The following CTBP2 variants were observed in gnomAD, a reference collection of about 807,000 sequenced individuals.
CTBP2 encodes the protein C-terminal binding protein 2, also known as C-terminal-binding protein 2.
CTBP2 carries 30 observed loss-of-function variants against 80.3 expected under a neutral mutation model. The observed-to-expected ratio is 0.37, with a 90% CI of 0.28 to 0.51. The LOEUF (loss-of-function observed/expected upper bound fraction) is 0.51. CTBP2 is among the 20% of genes least tolerant of loss of function. The probability of loss-of-function intolerance (pLI) is 0.93; values close to 1 mark genes in which losing one functional copy is unlikely to be tolerated. For missense variants in CTBP2, 1,212 were observed against 1,375.3 expected, an observed-to-expected ratio of 0.88 and a Z score of 1.88; for synonymous variants, 594 against 587.4, an observed-to-expected ratio of 1.01 and a Z score of -0.16.
rs139812905 is a variant in CTBP2 at position 125,094,985 on chromosome 10, G to A, written c.-102+16005C>T. Reference sequence around the variant, plus strand: ...TGGGCTCCAGCCTCTGAAGAAGCGCGGAGGAAGCAAGTGTGGCAGGGCTGG... The same window carrying A: ...TGGGCTCCAGCCTCTGAAGAAGCGCAGAGGAAGCAAGTGTGGCAGGGCTGG... On this transcript the variant is annotated intron_variant, in intron 2 of 10. Transcript: ENST00000337195. Among the ~76,000 whole-genome samples the A allele has an allele frequency of 9.2e-3, 1,405 of 152,218 alleles. 9 individuals are homozygous for A. Among genetic ancestry groups the A allele is most frequent in the Non-Finnish European group, 0.015 (1,011 of 68,004 alleles).
chr10:125,105,700 G>A (rs1311200814), intron 2 of CTBP2, among the ~76,000 whole-genome samples: 1 of 152,080 alleles, frequency 6.6e-6, no homozygotes, highest in African/African-American at 2.4e-5. Context: ...CAAGTTATTG[G>A]TCTAATGCAT....
chr10:124,999,485 G>A (rs969940005), intron 3 of CTBP2: 2 of 152,278 alleles, frequency 1.3e-5, no homozygotes, highest in African/African-American at 2.4e-5. Flanking sequence ...AGATGGCTGC[G>A]TGGCTGTCTC....
At chr10:125,004,777 C>T (rs1955010308) in intron 1 of CTBP2, among the ~76,000 whole-genome samples, 1 of 152,182 alleles carries the variant, frequency 6.6e-6, no homozygotes, top group Non-Finnish European at 1.5e-5. Context: ...CCTGGTGACC[C>T]ACCATGGGTA....
chr10:125,096,491 G>A (rs1057097924), intron 2 of CTBP2, among the ~76,000 whole-genome samples: 3 of 152,052 alleles, frequency 2.0e-5, no homozygotes, highest in Non-Finnish European at 4.4e-5. Context: ...ATCGCTACTC[G>A]ACTAAACAGA....
intron 2 of CTBP2, among the ~76,000 whole-genome samples, chr10:125,090,507 A>G (rs1283911332): frequency 6.6e-6 from 1 of 151,446 alleles, no homozygotes; most frequent in Non-Finnish European, 1.5e-5. Context: ...TCACACCTGT[A>G]ATCCCAGCAC....
intron 2 of CTBP2, among the ~76,000 whole-genome samples, chr10:125,068,631 G>A (rs2135426392): frequency 6.6e-6 from 1 of 152,250 alleles, no homozygotes; most frequent in African/African-American, 2.4e-5. Flanking sequence ...AGATGGCCAG[G>A]GTGCAAAGGT....
Position 125,057,051 on chromosome 10 carries a change from G to C in CTBP2, c.-101-17896C>G, listed in dbSNP as rs1964077464. On this transcript the variant is annotated intron_variant, in intron 2 of 10. Transcript: ENST00000337195. Reference sequence around the variant, plus strand: ...GGAAGCATGCCTCTCTGCCCTCTGGGTTGGGCTCCGTTCCCCATGCCAGGT... The same window carrying C: ...GGAAGCATGCCTCTCTGCCCTCTGGCTTGGGCTCCGTTCCCCATGCCAGGT... Among the ~76,000 whole-genome samples the C allele has an allele frequency of 2.0e-5, 3 of 152,240 alleles. No individual in the cohort carries two copies. The South Asian group carries it at 6.2e-4, about 31-fold the overall frequency.
At chr10:124,995,184 T>TG (rs1298547216) in intron 4 of CTBP2, among the ~76,000 whole-genome samples, 2 of 152,250 alleles carry the variant, frequency 1.3e-5, no homozygotes, top group Non-Finnish European at 2.9e-5. Context: ...AATGGCTCCC[T>TG]GCAGGCTGGC....
rs537353397 is a variant in CTBP2, at chr10:125,003,501, A to T, written c.1679-9T>A. ...GATCTGGGGGCGGATACCTGCCAGG[A>T]GGGAAGGGGTGAGCACAGTGGGTGG... is the stretch of plus-strand genomic sequence containing the variant. On this transcript the variant is annotated splice_polypyrimidine_tract_variant and intron_variant, in intron 1 of 8. Transcript: ENST00000309035. 3.2e-5 allele frequency: 49 copies of T among 1,547,944 alleles called. No individual in the cohort carries two copies. The African/African-American group carries it at 5.1e-4, about 16-fold the overall frequency.
At position 124,989,518 on chromosome 10, in the gene CTBP2, C is replaced by T. The variant is rs78981424; in HGVS notation, c.2958G>A (p.Ter986=). ...AGTGATTACCTTCTGGCATTCTCTGCTATTGCTCGTTGGGGTGCTCTCGAT... is the reference window on the plus strand; with the variant it reads ...AGTGATTACCTTCTGGCATTCTCTGTTATTGCTCGTTGGGGTGCTCTCGAT... The change falls in exon 9 of 9, where the codon TAG becomes TAA. Residue 986 remains the stop codon, a stop_retained_variant. Coordinates refer to ENST00000309035, the MANE Select transcript of CTBP2 (RefSeq NM_022802.3). The T allele has an allele frequency of 1.9e-6, 3 of 1,612,420 alleles. No individual in the cohort carries two copies. In the Admixed American group the frequency reaches 5.0e-5, roughly 27 times the overall value.
intron 1 of CTBP2, among the ~76,000 whole-genome samples, chr10:125,145,173 T>C (rs1263767047): frequency 3.3e-5 from 5 of 152,226 alleles, no homozygotes; most frequent in Admixed American, 6.5e-5. Context: ...TGTGGGTGTG[T>C]GTTGGGGGAG....
At chr10:125,147,361 C>A (rs1165167037) in intron 1 of CTBP2, among the ~76,000 whole-genome samples, 1 of 152,158 alleles carries the variant, frequency 6.6e-6, no homozygotes, top group African/African-American at 2.4e-5. Flanking sequence ...TTTTTTTCTT[C>A]CTTCTCCAGG....
At chr10:125,150,108 A>G (rs535527246) in intron 1 of CTBP2, among the ~76,000 whole-genome samples, 4 of 152,324 alleles carry the variant, frequency 2.6e-5, no homozygotes, top group East Asian at 1.9e-4. Flanking sequence ...CCAACGTGGA[A>G]CCCACAAACC....
rs1963344286 is a variant in CTBP2 at position 125,053,927 on chromosome 10, A to G, written c.-101-14772T>C. Among the ~76,000 whole-genome samples the G allele has an allele frequency of 2.6e-5, 4 of 152,298 alleles. No individual in the cohort carries two copies. In the South Asian group the frequency reaches 8.3e-4, roughly 32 times the overall value. The stretch of plus-strand genomic sequence containing the variant: ...ACAGGGACCCTCACTGAGGTTGCAC[A>G]CACATTATCTCAGTGACCTTTCCAG... On this transcript the variant is annotated intron_variant, in intron 2 of 10. Transcript: ENST00000337195.
rs576592542 is a variant in CTBP2 at position 124,987,632 on chromosome 10, GTC to G, written c.*1884_*1885del. 1.4e-3 allele frequency: 207 copies of G among 152,224 alleles called. No homozygotes were observed. The highest frequency in any genetic ancestry group is 4.3e-3 in the African/African-American group (180 of 41,526). 9.4% of individuals were successfully genotyped at this position (152,224 alleles called of 1,614,324 possible). A position where few individuals can be genotyped will look rare whatever the true frequency, so the allele number is the denominator to read the frequency against. ...TAATAGGTCAGTAACTATGAGCGCC[GTC>G]TCTCTCCATGTGAGCTTGTGTTAAT... On this transcript the variant is annotated 3_prime_UTR_variant, in exon 9 of 9. Coordinates refer to ENST00000309035, the MANE Select transcript of CTBP2 (RefSeq NM_022802.3).
chr10:125,158,376 G>A (rs1478976023), intron 1 of CTBP2, among the ~76,000 whole-genome samples: 3 of 152,140 alleles, frequency 2.0e-5, no homozygotes, highest in Non-Finnish European at 2.9e-5. Flanking sequence ...TAGAAAGGCA[G>A]AAAGAATCAC....
chr10:125,104,555 T>G (rs1851165685), intron 2 of CTBP2, among the ~76,000 whole-genome samples: 1 of 152,160 alleles, frequency 6.6e-6, no homozygotes, highest in Admixed American at 6.5e-5. Flanking sequence ...AGAAAAACGT[T>G]CCATTTTACC....
intron 1 of CTBP2, among the ~76,000 whole-genome samples, chr10:125,124,686 ATACAT>A (rs1854923750): frequency 2.0e-5 from 3 of 152,246 alleles, no homozygotes; most frequent in African/African-American, 7.2e-5. Context: ...TATATTCTAC[ATACAT>A]TAAATATATA....
At chr10:125,057,975 AGGCCT>A (rs1220924091) in intron 2 of CTBP2, among the ~76,000 whole-genome samples, 1 of 152,148 alleles carries the variant, frequency 6.6e-6, no homozygotes, top group African/African-American at 2.4e-5. Context: ...GGCAGGAATG[AGGCCT>A]GGTGCTTTCA....
Sources: gnomAD v4.1 joint callset for allele counts (sites outside exome capture counted in the v4.1 genomes callset) on GRCh38, gnomAD v4.1.1 for gene constraint, MANE v1.5 for transcripts, NCBI Gene and HGNC (gene_info 2026-07-23, HGNC 2026-07-21) for gene names.